The following NDST3 variants were observed in gnomAD, a reference collection of about 807,000 sequenced individuals.
NDST3 encodes bifunctional heparan sulfate N-deacetylase/N-sulfotransferase 3.
A neutral mutation model predicts 96.1 loss-of-function variants in NDST3; 58 were observed. The ratio of observed to expected loss-of-function variants is 0.60; its 90% CI spans 0.49 to 0.75. The LOEUF (loss-of-function observed/expected upper bound fraction) is 0.75, where lower values mean the gene tolerates loss of function less well. NDST3 is among the 30% of genes least tolerant of loss of function. NDST3 has a pLI of 0.00. For missense variants in NDST3, 788 were observed against 1,034.2 expected, an observed-to-expected ratio of 0.76 and a Z score of 3.27; for synonymous variants, 333 against 359.7, an observed-to-expected ratio of 0.93 and a Z score of 0.84.
chr4:118,115,010 A>T, intron 4 of NDST3, 50 bp downstream of exon 4: 1 of 1,565,058 alleles, frequency 6.4e-7, no homozygotes, highest in Non-Finnish European at 8.7e-7. Flanking sequence ...GATTGGAGAA[A>T]TGAAAAGATT....
At chr4:118,236,800 G>C (rs1399091932) in intron 9 of NDST3, among the ~76,000 whole-genome samples, 1 of 151,986 alleles carries the variant, frequency 6.6e-6, no homozygotes, top group East Asian at 1.9e-4. Context: ...CTACATTTTT[G>C]TTATTGCTTA....
At chr4:118,117,570 G>C (rs1440825554) in intron 4 of NDST3, among the ~76,000 whole-genome samples, 1 of 151,868 alleles carries the variant, frequency 6.6e-6, no homozygotes, top group Non-Finnish European at 1.5e-5. Flanking sequence ...AAAGATCAAG[G>C]GTTTCCAATT....
intron 6 of NDST3, among the ~76,000 whole-genome samples, chr4:118,218,950 C>T (rs900022403): frequency 6.6e-6 from 1 of 152,002 alleles, no homozygotes; most frequent in Non-Finnish European, 1.5e-5. Context: ...ACAATTGCTA[C>T]AAAGAGAATA....
chr4:118,231,864 C>A (rs1740316035), intron 8 of NDST3, among the ~76,000 whole-genome samples: 1 of 152,164 alleles, frequency 6.6e-6, no homozygotes, highest in Non-Finnish European at 1.5e-5. Context: ...AAGCTACACC[C>A]TTTATCTCCT....
At chr4:118,080,244 A>C (rs1489683533) in intron 2 of NDST3, among the ~76,000 whole-genome samples, 1 of 152,098 alleles carries the variant, frequency 6.6e-6, no homozygotes, top group Non-Finnish European at 1.5e-5. Flanking sequence ...CAGTTGCTAC[A>C]TCTATGGTGC....
intron 6 of NDST3, among the ~76,000 whole-genome samples, chr4:118,168,399 A>T (rs187833891): frequency 6.6e-6 from 1 of 152,136 alleles, no homozygotes; most frequent in Non-Finnish European, 1.5e-5. Flanking sequence ...CATATATATA[A>T]ATATAAGTAA....
chr4:118,230,769 C>A (rs1437060339), intron 8 of NDST3, among the ~76,000 whole-genome samples: 2 of 152,090 alleles, frequency 1.3e-5, no homozygotes, highest in African/African-American at 4.8e-5. Context: ...TGTTTTATTC[C>A]CTATAATGAT....
chr4:118,211,933 T>C (rs1029209332), intron 6 of NDST3, among the ~76,000 whole-genome samples: 1 of 152,178 alleles, frequency 6.6e-6, no homozygotes, highest in African/African-American at 2.4e-5. Context: ...GAAGAGGGCT[T>C]AGTGAGAAAC....
chr4:118,067,311 T>C (rs1726669097), intron 2 of NDST3, among the ~76,000 whole-genome samples: 1 of 152,014 alleles, frequency 6.6e-6, no homozygotes, highest in South Asian at 2.1e-4. Context: ...ATTCAAAGGA[T>C]CTCGACATAA....
chr4:118,186,123 A>T (rs1159791587), intron 6 of NDST3, among the ~76,000 whole-genome samples: 1 of 152,120 alleles, frequency 6.6e-6, no homozygotes. Context: ...AGAAAAACAA[A>T]ATCTGGTCTG....
At chr4:118,194,260 A>G (rs1369593254) in intron 6 of NDST3, 1 of 723,044 alleles carries the variant, frequency 1.4e-6, no homozygotes, top group African/African-American at 1.7e-5. Flanking sequence ...TAGCACCCTC[A>G]TTGGGCCTGG....
At chr4:118,149,353 C>T (rs963757816) in intron 6 of NDST3, among the ~76,000 whole-genome samples, 14 of 151,988 alleles carry the variant, frequency 9.2e-5, no homozygotes, top group Admixed American at 2.0e-4. Context: ...GGCAGTATGG[C>T]CATTTTCACG....
intron 1 of NDST3, among the ~76,000 whole-genome samples, chr4:118,053,178 C>A (rs778878393): frequency 6.6e-6 from 1 of 151,876 alleles, no homozygotes; most frequent in Non-Finnish European, 1.5e-5. Flanking sequence ...ATATGCAGTT[C>A]TAAAATAATG....
Position 118,127,451 on chromosome 4 carries a change from C to T in NDST3, c.1225-10603C>T, listed in dbSNP as rs900862182. ...AAGCACCATTTGTTGAAGAGATTGT[C>T]CTTTCTCCAATGTATGTTCTTGGCA... On this transcript the variant is annotated intron_variant, in intron 4 of 13. Coordinates refer to ENST00000296499, the MANE Select transcript of NDST3 (RefSeq NM_004784.3). 2.0e-5 allele frequency among the ~76,000 whole-genome samples: 3 copies of T among 151,986 alleles called. 1 individual carries two copies. The highest frequency in any genetic ancestry group is 4.1e-4 in the South Asian group (2 of 4,828).
intron 1 of NDST3, among the ~76,000 whole-genome samples, chr4:118,051,036 G>C (rs1047243171): frequency 2.6e-5 from 4 of 152,006 alleles, no homozygotes; most frequent in African/African-American, 9.7e-5. Flanking sequence ...TAGACCAATG[G>C]AACACAATAG....
At chr4:118,159,923 C>A (rs2125924112) in intron 6 of NDST3, among the ~76,000 whole-genome samples, 1 of 152,108 alleles carries the variant, frequency 6.6e-6, no homozygotes, top group Non-Finnish European at 1.5e-5. Context: ...ACTTAGGAAA[C>A]AACATCAAGT....
intron 2 of NDST3, among the ~76,000 whole-genome samples, chr4:118,079,508 G>T (rs796997549): frequency 6.6e-6 from 1 of 152,098 alleles, no homozygotes; most frequent in African/African-American, 2.4e-5. Flanking sequence ...TGGTGTAATC[G>T]AGAGAGAGAA....
intron 12 of NDST3, among the ~76,000 whole-genome samples, chr4:118,249,686 T>A (rs115236266): frequency 0.013 from 1,920 of 150,350 alleles, 13 homozygotes; most frequent in Non-Finnish European, 0.02. Context: ...AGGGCTAGAG[T>A]TATAAATTCT....
chr4:118,105,197 C>A, intron 3 of NDST3, 92 bp downstream of exon 3: 1 of 792,998 alleles, frequency 1.3e-6, no homozygotes, highest in Non-Finnish European at 2.0e-6. Context: ...GTCCTACATT[C>A]CCTATGTTCC....
Sources: gnomAD v4.1 joint callset for allele counts (sites outside exome capture counted in the v4.1 genomes callset) on GRCh38, gnomAD v4.1.1 for gene constraint, MANE v1.5 for transcripts, NCBI Gene and HGNC (gene_info 2026-07-23, HGNC 2026-07-21) for gene names.